The following NTM variants were observed in gnomAD, a reference collection of about 807,000 sequenced individuals.
NTM encodes IgLON family member 2.
In NTM, 13 loss-of-function variants were observed where a neutral mutation model predicts 42.1. That is an observed-to-expected ratio of 0.31 (90% CI 0.20 to 0.49). The LOEUF (loss-of-function observed/expected upper bound fraction) is 0.49, where lower values mean the gene tolerates loss of function less well. Among genes scored for constraint, NTM ranks in the 20% least tolerant of loss-of-function variants. The probability of loss-of-function intolerance (pLI) is 0.99; values close to 1 mark genes in which losing one functional copy is unlikely to be tolerated. For synonymous variants in NTM, 187 were observed against 179.2 expected, an observed-to-expected ratio of 1.04 and a Z score of -0.35; for missense variants, 373 against 452.8, an observed-to-expected ratio of 0.82 and a Z score of 1.60.
At position 132,335,132 on chromosome 11, in the gene NTM, CT is replaced by C. The variant is rs765927565; in HGVS notation, c.1056del (p.Leu353SerfsTer38). On this transcript the variant is annotated frameshift_variant, in exon 9 of 9. Transcript: ENST00000683400. LOFTEE classifies it high-confidence loss of function. ...GCTGCCTCTTCTGGTCTTGCACCTG[CT>C]TCTCAAATTTTGATGTGAGTGCCAC... is the stretch of plus-strand genomic sequence containing the variant. ...WLLPLLVLHLLLKF is the reference protein window; with the variant it reads ...WLLPLLVLHLXLKF The C allele has an allele frequency of 6.2e-7, 1 of 1,612,630 alleles. No individual in the cohort carries two copies.
intron 3 of NTM, among the ~76,000 whole-genome samples, chr11:132,175,541 T>G (rs1442198337): frequency 5.9e-5 from 9 of 152,166 alleles, no homozygotes; most frequent in Non-Finnish European, 1.3e-4. Flanking sequence ...TTAATTCAGA[T>G]TCTGCCATTC....
intron 4 of NTM, among the ~76,000 whole-genome samples, chr11:132,254,326 A>G (rs750469128): frequency 3.3e-5 from 5 of 151,230 alleles, no homozygotes; most frequent in African/African-American, 7.3e-5. Context: ...TGCTTCTCCT[A>G]TTATTTCTGT....
At position 131,401,826 on chromosome 11, in the gene NTM, A is replaced by G. The variant is rs866745810; in HGVS notation, c.82+30938A>G. 1.0e-3 allele frequency among the ~76,000 whole-genome samples: 62 copies of G among 60,548 alleles called. 1 individual carries two copies. Among genetic ancestry groups the G allele is most frequent in the East Asian group, 7.5e-3 (14 of 1,872 alleles). 39.7% of individuals were successfully genotyped at this position (60,548 alleles called of 152,430 possible). A position where few individuals can be genotyped will look rare whatever the true frequency, so the allele number is the denominator to read the frequency against. ...TATATATATATATATATATATATAT[A>G]TATATATATATATATATATATATAT... On this transcript the variant is annotated intron_variant, in intron 1 of 8. Transcript: ENST00000683400.
At chr11:131,640,840 G>C (rs569168979) in intron 1 of NTM, among the ~76,000 whole-genome samples, 1 of 152,134 alleles carries the variant, frequency 6.6e-6, no homozygotes, top group Non-Finnish European at 1.5e-5. Context: ...TGTATCTGGC[G>C]CACAGTGTCT....
intron 3 of NTM, among the ~76,000 whole-genome samples, chr11:132,180,718 C>G (rs899557172): frequency 6.6e-6 from 1 of 152,090 alleles, no homozygotes; most frequent in African/African-American, 2.4e-5. Flanking sequence ...TTTCCAAACA[C>G]TATAAGTCTA....
intron 1 of NTM, among the ~76,000 whole-genome samples, chr11:131,816,347 T>C (rs556931559): frequency 2.0e-5 from 3 of 152,114 alleles, no homozygotes; most frequent in Non-Finnish European, 4.4e-5. Flanking sequence ...ACTCTCCAAA[T>C]AACAGTCAAC....
chr11:131,608,003 A>T (rs1407356000), intron 1 of NTM, among the ~76,000 whole-genome samples: 2 of 152,170 alleles, frequency 1.3e-5, no homozygotes, highest in South Asian at 2.1e-4. Flanking sequence ...TGCTGCACCC[A>T]TTAACTCGTC....
chr11:131,834,048 C>T (rs1435078519), intron 1 of NTM, among the ~76,000 whole-genome samples: 2 of 152,156 alleles, frequency 1.3e-5, no homozygotes, highest in African/African-American at 4.8e-5. Context: ...GTAGGGAGAA[C>T]ATCTGGCATA....
chr11:132,289,766 T>TCACC (rs925430152), intron 4 of NTM, among the ~76,000 whole-genome samples: 4 of 152,212 alleles, frequency 2.6e-5, no homozygotes, highest in Non-Finnish European at 5.9e-5. Context: ...GCTGCTACTA[T>TCACC]CACCACTGCT....
rs1006275751 is a variant in NTM, at chr11:131,651,281, G to A, written c.83-260283G>A. 2.6e-5 allele frequency among the ~76,000 whole-genome samples: 4 copies of A among 152,264 alleles called. No individual in the cohort carries two copies. In the East Asian group the frequency reaches 7.7e-4, roughly 29 times the overall value. ...TTGATTTTCATTTAACACACAGTAA[G>A]CACCACATAAATTCTAGTTGTGTAT... On this transcript the variant is annotated intron_variant, in intron 1 of 8. Coordinates refer to ENST00000683400, the MANE Select transcript of NTM (RefSeq NM_001352005.2).
chr11:131,853,876 C>T (rs2045842453), intron 1 of NTM, among the ~76,000 whole-genome samples: 1 of 152,186 alleles, frequency 6.6e-6, no homozygotes, highest in African/African-American at 2.4e-5. Context: ...CAAAGCATTC[C>T]TTCTTCTCCA....
chr11:132,307,579 A>T, intron 4 of NTM, 110 bp from the exon 5 acceptor site: 1 of 1,469,922 alleles, frequency 6.8e-7, no homozygotes, highest in East Asian at 2.3e-5. Context: ...CTGAACTTAC[A>T]ACTGGCAAAT....
At chr11:132,274,139 C>T (rs1455015342) in intron 4 of NTM, among the ~76,000 whole-genome samples, 1 of 151,662 alleles carries the variant, frequency 6.6e-6, no homozygotes, top group African/African-American at 2.4e-5. Context: ...TTTCTTTGTT[C>T]AGCCTTAGTA....
intron 1 of NTM, among the ~76,000 whole-genome samples, chr11:131,692,437 G>GCCTA (rs1204276751): frequency 6.6e-6 from 1 of 152,074 alleles, no homozygotes; most frequent in Non-Finnish European, 1.5e-5. Flanking sequence ...CACAGGGCTA[G>GCCTA]CCTACCTCCC....
At chr11:131,697,067 C>T (rs551240132) in intron 1 of NTM, among the ~76,000 whole-genome samples, 5 of 152,272 alleles carry the variant, frequency 3.3e-5, no homozygotes, top group Admixed American at 6.5e-5. Flanking sequence ...AGTTTTTAGA[C>T]GAAGCCGGCT....
At chr11:132,155,796 C>G (rs1378302145) in intron 3 of NTM, among the ~76,000 whole-genome samples, 1 of 152,148 alleles carries the variant, frequency 6.6e-6, no homozygotes. Context: ...CACACATAAA[C>G]CATCATGTGT....
chr11:131,838,840 G>A (rs2043851498), intron 1 of NTM, among the ~76,000 whole-genome samples: 1 of 152,056 alleles, frequency 6.6e-6, no homozygotes, highest in Admixed American at 6.5e-5. Flanking sequence ...TGTGTACCAG[G>A]TATTCTTGGA....
chr11:131,609,885 G>C (rs1327320514), intron 1 of NTM, among the ~76,000 whole-genome samples: 1 of 152,120 alleles, frequency 6.6e-6, no homozygotes, highest in Non-Finnish European at 1.5e-5. Flanking sequence ...ATCTGCAGAG[G>C]TTGGCAGAGC....
chr11:131,804,907 C>T (rs1663574100), intron 1 of NTM, among the ~76,000 whole-genome samples: 1 of 152,126 alleles, frequency 6.6e-6, no homozygotes, highest in Non-Finnish European at 1.5e-5. Flanking sequence ...ACCTTCCTGC[C>T]ATGGAAAGAC....
Sources: allele counts gnomAD v4.1 joint callset (sites outside exome capture counted in the v4.1 genomes callset), GRCh38; gene constraint gnomAD v4.1.1; transcripts MANE v1.5; gene names NCBI Gene and HGNC (gene_info 2026-07-23, HGNC 2026-07-21).